LRRC69: variants seen among roughly 807,000 people sequenced by gnomAD.
LRRC69 encodes leucine rich repeat containing 69, also known as leucine-rich repeat-containing protein 69.
Under a neutral mutation model 37.8 loss-of-function variants are expected in LRRC69, and 42 were observed. The observed-to-expected ratio is 1.11, with a 90% CI of 0.87 to 1.44. The LOEUF is 1.44. Ranked by LOEUF, LRRC69 falls within the 40% of genes most tolerant of loss-of-function variation. The probability of loss-of-function intolerance (pLI) is 0.00; values close to 1 mark genes in which losing one functional copy is unlikely to be tolerated. For synonymous variants in LRRC69, 141 were observed against 143.1 expected (o/e 0.99, Z 0.11); for missense variants, 357 against 401.9 (o/e 0.89, Z 0.96).
In LRRC69 at chr8:91,103,945, A is replaced by G. The variant is rs572248302; in HGVS notation, c.183+1101A>G. On this transcript the variant is annotated intron_variant, in intron 1 of 7. Coordinates refer to ENST00000448384, the Ensembl canonical transcript of LRRC69. Reference sequence around the variant, plus strand: ...TACTAACCATTGGTTACCGAGAATTAAATATTACAAAAAGCTTATAGCAAG... The same window carrying G: ...TACTAACCATTGGTTACCGAGAATTGAATATTACAAAAAGCTTATAGCAAG... 2.0e-5 allele frequency among the ~76,000 whole-genome samples: 3 copies of G among 152,074 alleles called. No homozygotes were observed. In the East Asian group the frequency reaches 5.8e-4, roughly 29 times the overall value.
intron 5 of LRRC69, among the ~76,000 whole-genome samples, chr8:91,183,642 A>C (rs796453570): frequency 6.6e-6 from 1 of 152,220 alleles, no homozygotes; most frequent in Non-Finnish European, 1.5e-5. Context: ...GATAAAGTGC[A>C]AAGAGAATGT....
intron 3 of LRRC69, chr8:91,130,962 A>C (rs891416245): frequency 6.6e-6 from 1 of 151,970 alleles, no homozygotes; most frequent in African/African-American, 2.4e-5. Context: ...GGTTTACCCC[A>C]TCATCATGAC....
chr8:91,197,671 C>T (rs573831154), intron 6 of LRRC69, among the ~76,000 whole-genome samples: 23 of 152,274 alleles, frequency 1.5e-4, no homozygotes, highest in African/African-American at 2.9e-4. Flanking sequence ...TTGCGCTTCC[C>T]GAGTGAGGCA....
At chr8:91,128,412 T>C (rs909248969) in intron 3 of LRRC69, among the ~76,000 whole-genome samples, 4 of 152,060 alleles carry the variant, frequency 2.6e-5, no homozygotes, top group Non-Finnish European at 5.9e-5. Flanking sequence ...ATGCTTTCAC[T>C]GAAGAAAGTA....
intron 5 of LRRC69, among the ~76,000 whole-genome samples, chr8:91,176,134 A>ATATATATATT: frequency 2.6e-4 from 20 of 75,698 alleles, no homozygotes; most frequent in South Asian, 5.8e-4. Context: ...ATATATATAT[A>ATATATATATT]TTTTTTTTTT....
chr8:91,196,616 C>T (rs1307155162), intron 6 of LRRC69, among the ~76,000 whole-genome samples: 5 of 152,176 alleles, frequency 3.3e-5, no homozygotes, highest in African/African-American at 4.8e-5. Context: ...CGCTGATACC[C>T]TTTCTTCCAG....
At chr8:91,186,538 G>A (rs1453715709) in intron 5 of LRRC69, among the ~76,000 whole-genome samples, 2 of 152,166 alleles carry the variant, frequency 1.3e-5, no homozygotes, top group Non-Finnish European at 2.9e-5. Flanking sequence ...GGCTTACTAG[G>A]ATATATGGTT....
intron 1 of LRRC69, among the ~76,000 whole-genome samples, 156 bp from the exon 2 acceptor site, chr8:91,124,337 G>A (rs11777826): frequency 0.47 from 70,310 of 151,086 alleles, 17,964 homozygotes; most frequent in South Asian, 0.65. Flanking sequence ...AACTTTGTTT[G>A]TAAAGATAAC....
chr8:91,200,622 T>C, exon 7 of LRRC69: 1 of 1,438,906 alleles, frequency 6.9e-7, no homozygotes, highest in Non-Finnish European at 9.1e-7. Flanking sequence ...GGAAATAACA[T>C]CAAGATTTGT....
intron 5 of LRRC69, among the ~76,000 whole-genome samples, chr8:91,186,695 C>T (rs1002139569): frequency 5.9e-5 from 9 of 152,022 alleles, no homozygotes; most frequent in South Asian, 2.1e-4. Context: ...CAAAATTTTG[C>T]GCTGAGATGA....
chr8:91,127,104 A>C, exon 3 of LRRC69: 2 of 1,547,780 alleles, frequency 1.3e-6, no homozygotes, highest in Non-Finnish European at 1.7e-6. Flanking sequence ...TACAAAATTT[A>C]ATCCTGCTTA....
At chr8:91,197,869 G>A (rs1028962974) in intron 6 of LRRC69, among the ~76,000 whole-genome samples, 3 of 151,878 alleles carry the variant, frequency 2.0e-5, no homozygotes, top group African/African-American at 4.8e-5. Flanking sequence ...GGCTCCTCCC[G>A]TCTCCAAAAG....
At chr8:91,110,374 C>A (rs1813388647) in intron 1 of LRRC69, among the ~76,000 whole-genome samples, 1 of 152,002 alleles carries the variant, frequency 6.6e-6, no homozygotes. Context: ...TGCAGTGGCT[C>A]ACGCCTGTAA....
intron 5 of LRRC69, among the ~76,000 whole-genome samples, chr8:91,136,638 CTG>C (rs1176967790): frequency 6.6e-6 from 1 of 151,986 alleles, no homozygotes; most frequent in Admixed American, 6.6e-5. Context: ...AGCTGAAACT[CTG>C]TATCCATTCA....
chr8:91,123,571 A>G (rs1813666815), intron 1 of LRRC69, among the ~76,000 whole-genome samples: 1 of 151,950 alleles, frequency 6.6e-6, no homozygotes, highest in Admixed American at 6.6e-5. Context: ...GAATGGCTTC[A>G]GTTTTCTTCT....
intron 7 of LRRC69, among the ~76,000 whole-genome samples, chr8:91,216,871 A>C (rs1810057574): frequency 6.6e-6 from 1 of 152,132 alleles, no homozygotes; most frequent in Non-Finnish European, 1.5e-5. Flanking sequence ...TATAGTTTAT[A>C]CTGTATTGTT....
At position 91,125,243 on chromosome 8, in the gene LRRC69, T is replaced by G. The variant is rs187375821; in HGVS notation, c.310+624T>G. Among the ~76,000 whole-genome samples the G allele has an allele frequency of 2.7e-3, 416 of 151,996 alleles. 1 individual carries two copies. The highest frequency in any genetic ancestry group is 9.5e-3 in the African/African-American group (396 of 41,552). ...GTAAGGTACTTCACCACTTTCTGTGTTGGTCCTTAGTAGTAAAATGAGAGA... is the reference window on the plus strand; with the variant it reads ...GTAAGGTACTTCACCACTTTCTGTGGTGGTCCTTAGTAGTAAAATGAGAGA... On this transcript the variant is annotated intron_variant, in intron 2 of 7. Transcript: ENST00000448384.
chr8:91,212,132 T>A (rs1809939108), intron 7 of LRRC69, among the ~76,000 whole-genome samples: 1 of 152,152 alleles, frequency 6.6e-6, no homozygotes, highest in Admixed American at 6.5e-5. Context: ...AGTTGATATT[T>A]CAATATTAGC....
At chr8:91,203,197 T>C (rs1677007646) in intron 7 of LRRC69, among the ~76,000 whole-genome samples, 1 of 151,914 alleles carries the variant, frequency 6.6e-6, no homozygotes, top group Non-Finnish European at 1.5e-5. Flanking sequence ...TAGGACTCAT[T>C]GTTAGCTGTG....
Sources: gnomAD v4.1 joint callset for allele counts (sites outside exome capture counted in the v4.1 genomes callset) on GRCh38, gnomAD v4.1.1 for gene constraint, MANE v1.5 for transcripts, NCBI Gene and HGNC (gene_info 2026-07-23, HGNC 2026-07-21) for gene names.